GATAD2A: variants seen among roughly 807,000 people sequenced by gnomAD.
GATAD2A encodes the protein GATA zinc finger domain containing 2A, also known as transcriptional repressor p66-alpha.
In GATAD2A, 12 loss-of-function variants were observed where a neutral mutation model predicts 68.5. The observed-to-expected ratio is 0.18, with a 90% CI of 0.11 to 0.28. GATAD2A has a LOEUF of 0.28. Ranked by LOEUF, GATAD2A falls within the 10% of genes least tolerant of loss-of-function variation. GATAD2A has a pLI of 1.00. For missense variants in GATAD2A, 755 were observed against 868.5 expected (o/e 0.87, Z 1.64); for synonymous variants, 410 against 375.3 (o/e 1.09, Z -1.07).
In GATAD2A at chr19:19,471,274, G is replaced by T. The variant is rs1283355923; in HGVS notation, c.269+5660G>T. Among the ~76,000 whole-genome samples, 5 of 149,744 alleles carry T rather than the reference G, an allele frequency of 3.3e-5. No homozygotes were observed. In the East Asian group the frequency reaches 9.8e-4, roughly 29 times the overall value. Reference sequence around the variant, plus strand: ...TCTCAAAAAAAAAAAAAAAAAAAGTGGAAGCAACCCAGTGTCCCATGGATA... The same window carrying T: ...TCTCAAAAAAAAAAAAAAAAAAAGTTGAAGCAACCCAGTGTCCCATGGATA... On this transcript the variant is annotated intron_variant, in intron 2 of 11. Coordinates refer to ENST00000683918, the MANE Select transcript of GATAD2A (RefSeq NM_001384528.1).
rs1258818163 is a variant in GATAD2A, at chr19:19,447,712, G to GTGA, written c.-6-17625_-6-17623dup. Among the ~76,000 whole-genome samples the GTGA allele has an allele frequency of 5.3e-5, 8 of 152,340 alleles. No homozygotes were observed. The East Asian group carries it at 1.5e-3, about 29-fold the overall frequency. On this transcript the variant is annotated intron_variant, in intron 1 of 11. Coordinates refer to ENST00000683918, the MANE Select transcript of GATAD2A (RefSeq NM_001384528.1). The stretch of plus-strand genomic sequence containing the variant: ...TGGCTGTGATCCTCCCTGTGGCTCT[G>GTGA]TGATGCTGCAGGATGCTTGTAGGGA...
At chr19:19,499,655 G>T (rs1883176133) in intron 8 of GATAD2A, among the ~76,000 whole-genome samples, 1 of 152,144 alleles carries the variant, frequency 6.6e-6, no homozygotes, top group Non-Finnish European at 1.5e-5. Flanking sequence ...ATCAACTGGT[G>T]CCCCCATGTG....
intron 1 of GATAD2A, among the ~76,000 whole-genome samples, chr19:19,392,627 T>A (rs1359826723): frequency 2.0e-5 from 3 of 151,844 alleles, no homozygotes. Context: ...CCTGACCTCG[T>A]GATCCACCTG....
At chr19:19,467,648 A>T (rs1241834903) in intron 2 of GATAD2A, among the ~76,000 whole-genome samples, 2 of 152,140 alleles carry the variant, frequency 1.3e-5, no homozygotes, top group African/African-American at 4.8e-5. Context: ...GGTATTTTTC[A>T]AAACTACCTT....
chr19:19,390,023 C>G (rs1310930934), intron 1 of GATAD2A, among the ~76,000 whole-genome samples: 3 of 152,122 alleles, frequency 2.0e-5, no homozygotes, highest in Non-Finnish European at 4.4e-5. Context: ...CTCAGCCTCC[C>G]AAGGTGTTGG....
chr19:19,506,179 C>G lies in GATAD2A; in HGVS notation c.*705C>G. The G allele has an allele frequency of 2.5e-6, 1 of 398,778 alleles. No homozygotes were observed. Among genetic ancestry groups the G allele is most frequent in the Non-Finnish European group, 4.4e-6 (1 of 225,960 alleles). 24.7% of individuals were successfully genotyped at this position (398,778 alleles called of 1,614,324 possible). Reference sequence around the variant, plus strand: ...AGGGATGGCCGAGGCAGCCCTCGCTCCAGCTGAACGCCTCCATTGCTGCTT... The same window carrying G: ...AGGGATGGCCGAGGCAGCCCTCGCTGCAGCTGAACGCCTCCATTGCTGCTT... On this transcript the variant is annotated 3_prime_UTR_variant, in exon 12 of 12. Transcript: ENST00000683918.
intron 1 of GATAD2A, among the ~76,000 whole-genome samples, chr19:19,410,534 G>C (rs1028097880): frequency 6.6e-6 from 1 of 152,358 alleles, no homozygotes; most frequent in Non-Finnish European, 1.5e-5. Flanking sequence ...AGGACCTGGC[G>C]CTGCGTGGCC....
rs140513299 is a variant in GATAD2A at position 19,470,620 on chromosome 19, T to C, written c.269+5006T>C. ...AAGGTATGGAGGACTTGAAGAACAT[T>C]ATTAACTCACTTAGCCTGACATCTG... On this transcript the variant is annotated intron_variant, in intron 2 of 11. Coordinates refer to ENST00000683918, the MANE Select transcript of GATAD2A (RefSeq NM_001384528.1). Among the ~76,000 whole-genome samples the C allele has an allele frequency of 1.9e-4, 29 of 152,300 alleles. No individual in the cohort carries two copies. In the East Asian group the frequency reaches 4.8e-3, roughly 25 times the overall value.
intron 2 of GATAD2A, among the ~76,000 whole-genome samples, chr19:19,470,436 G>A (rs186998934): frequency 1.3e-5 from 2 of 152,130 alleles, no homozygotes; most frequent in Non-Finnish European, 2.9e-5. Flanking sequence ...GCCCAGCTGC[G>A]ACATTTCATA....
At chr19:19,494,139 C>T (rs1413059839) in intron 4 of GATAD2A, among the ~76,000 whole-genome samples, 155 bp from the exon 5 acceptor site, 2 of 152,202 alleles carry the variant, frequency 1.3e-5, no homozygotes, top group Admixed American at 6.5e-5. Context: ...CAGATGGGGT[C>T]ACTTTCAGCC....
At chr19:19,411,297 A>G (rs1344137608) in intron 1 of GATAD2A, among the ~76,000 whole-genome samples, 1 of 152,168 alleles carries the variant, frequency 6.6e-6, no homozygotes, top group Non-Finnish European at 1.5e-5. Context: ...ACGATACTGA[A>G]TGCCTGGGTT....
chr19:19,430,982 T>G (rs879398722), intron 1 of GATAD2A, among the ~76,000 whole-genome samples: 119 of 127,936 alleles, frequency 9.3e-4, no homozygotes, highest in South Asian at 2.3e-3. Context: ...TAGGGGTGTG[T>G]GTGTGTGTGT....
At position 19,479,102 on chromosome 19, in the gene GATAD2A, C is replaced by T. The variant is rs1393873496; in HGVS notation, c.270-13204C>T. On this transcript the variant is annotated intron_variant, in intron 2 of 11. Coordinates refer to ENST00000683918, the MANE Select transcript of GATAD2A (RefSeq NM_001384528.1). ...GGCTTTTTGGATCATTGTGCGTTTCCTCCTCTAATGAGAAACCAAAATCCA... is the reference window on the plus strand; with the variant it reads ...GGCTTTTTGGATCATTGTGCGTTTCTTCCTCTAATGAGAAACCAAAATCCA... Among the ~76,000 whole-genome samples the T allele has an allele frequency of 2.0e-5, 3 of 152,202 alleles. No homozygotes were observed. In the East Asian group the frequency reaches 5.8e-4, roughly 29 times the overall value.
At chr19:19,458,482 T>C (rs1314665912) in intron 1 of GATAD2A, 1 of 152,106 alleles carries the variant, frequency 6.6e-6, no homozygotes, top group East Asian at 1.9e-4. Context: ...ACCAAGCCCA[T>C]ACTGTTTGCT....
chr19:19,478,731 G>T (rs896160089), intron 2 of GATAD2A, among the ~76,000 whole-genome samples: 1 of 151,492 alleles, frequency 6.6e-6, no homozygotes, highest in Non-Finnish European at 1.5e-5. Flanking sequence ...AATCACCTGG[G>T]CCTGGGAGGC....
chr19:19,459,402 A>T (rs1249399988), intron 1 of GATAD2A, among the ~76,000 whole-genome samples: 7 of 147,670 alleles, frequency 4.7e-5, no homozygotes, highest in Non-Finnish European at 8.9e-5. Flanking sequence ...AAATGGTACT[A>T]TGCTATTCTG....
intron 2 of GATAD2A, among the ~76,000 whole-genome samples, chr19:19,466,127 T>G (rs1164421298): frequency 1.3e-5 from 2 of 152,244 alleles, no homozygotes; most frequent in East Asian, 3.8e-4. Context: ...GGTCTTTGGC[T>G]TGCTCTGTTG....
intron 4 of GATAD2A, among the ~76,000 whole-genome samples, chr19:19,493,061 C>T (rs1407642341): frequency 1.3e-5 from 2 of 152,064 alleles, no homozygotes; most frequent in Non-Finnish European, 2.9e-5. Flanking sequence ...CCGCCTCAGC[C>T]TCCCGAGTAG....
At chr19:19,441,361 C>T (rs2055051650) in intron 1 of GATAD2A, among the ~76,000 whole-genome samples, 1 of 151,944 alleles carries the variant, frequency 6.6e-6, no homozygotes, top group Non-Finnish European at 1.5e-5. Context: ...AAGGAAAATG[C>T]AATAAAAACC....
Sources: gnomAD v4.1 joint callset for allele counts (sites outside exome capture counted in the v4.1 genomes callset) on GRCh38, gnomAD v4.1.1 for gene constraint, MANE v1.5 for transcripts, NCBI Gene and HGNC (gene_info 2026-07-23, HGNC 2026-07-21) for gene names.